TECPR2: variants seen among roughly 807,000 people sequenced by gnomAD.
The protein encoded by TECPR2 is tectonin beta-propeller repeat-containing protein 2.
In TECPR2, 65 loss-of-function variants were observed where a neutral mutation model predicts 138.1. The ratio of observed to expected loss-of-function variants is 0.47; its 90% CI spans 0.39 to 0.58. The LOEUF (loss-of-function observed/expected upper bound fraction) is 0.58, where lower values mean the gene tolerates loss of function less well. TECPR2 is among the 20% of genes least tolerant of loss of function. The pLI is 0.00. For synonymous variants in TECPR2, 746 were observed against 749.8 expected (o/e 0.99, Z 0.08); for missense variants, 1,553 against 1,824.5 (o/e 0.85, Z 2.71).
rs34413626 is a variant in TECPR2 at position 102,401,804 on chromosome 14, C to CAAAAAA, written c.220-5516_220-5511dup. On this transcript the variant is annotated intron_variant, in intron 2 of 19. Coordinates refer to ENST00000359520, the MANE Select transcript of TECPR2 (RefSeq NM_014844.5). ...TGTGCAAAAGAGCGAGACTCCGTCT[C>CAAAAAA]AAAAAAAAAAAAAAAAAAAAAAAGA... 1.6e-3 allele frequency among the ~76,000 whole-genome samples: 108 copies of CAAAAAA among 68,736 alleles called. 1 individual carries two copies. Among genetic ancestry groups the CAAAAAA allele is most frequent in the Middle Eastern group, 0.01 (1 of 98 alleles). The allele number at this position is 68,736 out of a possible 152,430, so 45.1% of individuals were successfully genotyped here.
chr14:102,408,252 G>A (rs1370770531), intron 3 of TECPR2, among the ~76,000 whole-genome samples: 1 of 151,938 alleles, frequency 6.6e-6, no homozygotes, highest in Admixed American at 6.6e-5. Flanking sequence ...TGGACACTTG[G>A]CATAAAGTAC....
intron 17 of TECPR2, among the ~76,000 whole-genome samples, chr14:102,487,925 T>G (rs2139793828): frequency 6.7e-6 from 1 of 149,842 alleles, no homozygotes; most frequent in African/African-American, 2.5e-5. Context: ...CACCACAACC[T>G]CTGCCTCCCG....
rs372570099 is a variant in TECPR2 at position 102,414,733 on chromosome 14, G to C, written c.578G>C (p.Ser193Thr). 6.2e-7 allele frequency: 1 copy of C among 1,614,128 alleles called. No homozygotes were observed. Among genetic ancestry groups the C allele is most frequent in the African/African-American group, 1.3e-5 (1 of 74,932 alleles). ...CTGCTGGTCTCTACTCTGCAAAGAA[G>C]TCTGCTCTTTTACACTGAAGAAAAG... is the stretch of plus-strand genomic sequence containing the variant. ...KVLLVSTLQR[S>T]LLFYTEEKSV... The change falls in exon 5 of 20, where the codon AGT (serine) becomes ACT (threonine). Residue 193 changes from serine (S) to threonine (T), a missense_variant. Ser to Thr is a moderately conservative substitution (Grantham distance 58). Coordinates refer to ENST00000359520, the MANE Select transcript of TECPR2 (RefSeq NM_014844.5).
intron 11 of TECPR2, among the ~76,000 whole-genome samples, chr14:102,441,113 G>A (rs894350087): frequency 1.3e-5 from 2 of 152,030 alleles, no homozygotes; most frequent in Admixed American, 6.5e-5. Context: ...TGCCCAGGCT[G>A]GCATGCAGTG....
In TECPR2 at chr14:102,498,897, C is replaced by T. The variant is rs1354469512; in HGVS notation, c.*640C>T. 2 of 681,928 alleles carry T rather than the reference C, an allele frequency of 2.9e-6. No individual in the cohort carries two copies. Among genetic ancestry groups the T allele is most frequent in the Admixed American group, 4.1e-5 (2 of 49,242 alleles). 42.2% of individuals were successfully genotyped at this position (681,928 alleles called of 1,614,324 possible). On this transcript the variant is annotated 3_prime_UTR_variant, in exon 20 of 20. Coordinates refer to ENST00000359520, the MANE Select transcript of TECPR2 (RefSeq NM_014844.5). ...ACACACCTCACCTCACACCACAGCA[C>T]ACCTCACCACACCACACCGCACTGC...
intron 16 of TECPR2, among the ~76,000 whole-genome samples, chr14:102,462,217 G>C (rs1189183969): frequency 6.6e-6 from 1 of 152,160 alleles, no homozygotes; most frequent in Non-Finnish European, 1.5e-5. Context: ...TTAGAGGCAG[G>C]TTGAAGACTC....
At chr14:102,467,241 A>G (rs1292873736) in intron 17 of TECPR2, among the ~76,000 whole-genome samples, 3 of 151,996 alleles carry the variant, frequency 2.0e-5, no homozygotes, top group Non-Finnish European at 2.9e-5. Context: ...AAGGATGTCA[A>G]AGTGTTTTTC....
intron 2 of TECPR2, among the ~76,000 whole-genome samples, chr14:102,382,762 TC>T (rs1268600691): frequency 6.6e-5 from 10 of 152,052 alleles, no homozygotes; most frequent in African/African-American, 2.4e-4. Context: ...AGTTTGCAAA[TC>T]TTTTTTTTTT....
chr14:102,497,698 G>A lies in TECPR2; in HGVS notation c.4060G>A (p.Gly1354Ser), dbSNP rs755603975. 1.1e-5 allele frequency: 18 copies of A among 1,608,296 alleles called. No individual in the cohort carries two copies. The highest frequency in any genetic ancestry group is 8.0e-5 in the African/African-American group (6 of 74,848). Residue 1354 changes from glycine (G) to serine (S), a missense_variant, in exon 19 of 20, where the codon GGC becomes AGC. Coordinates refer to ENST00000359520, the MANE Select transcript of TECPR2 (RefSeq NM_014844.5). ...PAGDYWKKIP[G>S]SVSCFTVTAS... Reference sequence around the variant, plus strand: ...CGGGGACTACTGGAAGAAAATTCCCGGCAGCGTGTCGTGTTTCACAGGCAG... The same window carrying A: ...CGGGGACTACTGGAAGAAAATTCCCAGCAGCGTGTCGTGTTTCACAGGCAG...
At chr14:102,371,210 G>GTGGGCT (rs1887499668) in intron 1 of TECPR2, among the ~76,000 whole-genome samples, 1 of 152,148 alleles carries the variant, frequency 6.6e-6, no homozygotes, top group Non-Finnish European at 1.5e-5. Flanking sequence ...TCTGAGACCT[G>GTGGGCT]GGGGTTGGGT....
chr14:102,433,024 G>T (rs894031945), intron 8 of TECPR2, among the ~76,000 whole-genome samples: 7 of 150,948 alleles, frequency 4.6e-5, no homozygotes, highest in Admixed American at 3.3e-4. Flanking sequence ...AAAAAAAAGT[G>T]TTGGTTTATC....
At chr14:102,374,059 G>A (rs1289261275) in intron 1 of TECPR2, among the ~76,000 whole-genome samples, 2 of 142,540 alleles carry the variant, frequency 1.4e-5, no homozygotes, top group Admixed American at 7.2e-5. Flanking sequence ...GGGACAGAGC[G>A]AGATTCTGTC....
At chr14:102,416,171 G>T (rs1020045697) in intron 5 of TECPR2, among the ~76,000 whole-genome samples, 6 of 151,978 alleles carry the variant, frequency 3.9e-5, no homozygotes, top group Non-Finnish European at 7.4e-5. Context: ...GCCCAGGCTG[G>T]AGTGCAGTGG....
At chr14:102,445,783 C>G (rs1323173208) in intron 12 of TECPR2, 23 bp from the exon 13 acceptor site, 22 of 1,611,864 alleles carry the variant, frequency 1.4e-5, no homozygotes, top group Middle Eastern at 1.7e-4. Context: ...TGCTGACCCC[C>G]CTGTTCTCCT....
At position 102,437,533 on chromosome 14, in the gene TECPR2, G is replaced by A. The variant is rs1156286813; in HGVS notation, c.2395-489G>A. 3.3e-5 allele frequency among the ~76,000 whole-genome samples: 5 copies of A among 151,632 alleles called. No homozygotes were observed. In the South Asian group the frequency reaches 6.2e-4, roughly 19 times the overall value. On this transcript the variant is annotated intron_variant, in intron 9 of 19. Transcript: ENST00000359520. ...TGTGCCCCTGTACTCCAGCCTGGGC[G>A]ACAGAGCGAGTCTCTGTCTCAAAAA...
At chr14:102,461,068 A>G (rs537143295) in intron 16 of TECPR2, among the ~76,000 whole-genome samples, 13 of 152,044 alleles carry the variant, frequency 8.6e-5, no homozygotes, top group Non-Finnish European at 1.5e-4. Context: ...AATTACTGCT[A>G]TAGGATTAAA....
intron 16 of TECPR2, among the ~76,000 whole-genome samples, chr14:102,464,021 C>T: frequency 6.6e-6 from 1 of 152,240 alleles, no homozygotes; most frequent in East Asian, 1.9e-4. Context: ...TCAGAGGTTG[C>T]TGATGCAGAG....
intron 9 of TECPR2, among the ~76,000 whole-genome samples, chr14:102,435,774 T>C (rs1452136644): frequency 1.3e-5 from 2 of 152,222 alleles, no homozygotes; most frequent in African/African-American, 4.8e-5. Context: ...TCTTTGTAGG[T>C]CCACCCAGCA....
chr14:102,482,707 C>T (rs946078616), intron 17 of TECPR2, among the ~76,000 whole-genome samples: 1 of 152,144 alleles, frequency 6.6e-6, no homozygotes, highest in African/African-American at 2.4e-5. Context: ...AAAAGTCTTT[C>T]ATCTGTGTTC....
Sources: allele counts gnomAD v4.1 joint callset (sites outside exome capture counted in the v4.1 genomes callset), GRCh38; gene constraint gnomAD v4.1.1; transcripts MANE v1.5; gene names NCBI Gene and HGNC (gene_info 2026-07-23, HGNC 2026-07-21).